The following SAMD4A variants were observed in gnomAD, a reference collection of about 807,000 sequenced individuals.
SAMD4A encodes sterile alpha motif domain containing 4A.
In SAMD4A, 33 loss-of-function variants were observed where a neutral mutation model predicts 81.3. The observed-to-expected ratio is 0.41, with a 90% confidence interval of 0.31 to 0.54. The LOEUF is 0.54. SAMD4A is among the 20% of genes least tolerant of loss of function. The pLI is 0.37. For synonymous variants in SAMD4A, 389 were observed against 382.1 expected (o/e 1.02, Z -0.21); for missense variants, 854 against 951.1 (o/e 0.90, Z 1.34).
intron 2 of SAMD4A, among the ~76,000 whole-genome samples, chr14:54,681,430 T>G (rs1458536422): frequency 6.6e-6 from 1 of 152,160 alleles, no homozygotes; most frequent in Non-Finnish European, 1.5e-5. Flanking sequence ...TATTTTACTT[T>G]ATTTATTTTT....
intron 9 of SAMD4A, among the ~76,000 whole-genome samples, chr14:54,773,062 C>A (rs139702363): frequency 6.6e-6 from 1 of 152,356 alleles, no homozygotes; most frequent in East Asian, 1.9e-4. Flanking sequence ...GTGTCCTCCT[C>A]ACCACATTCA....
intron 2 of SAMD4A, chr14:54,694,874 C>T: frequency 5.1e-6 from 5 of 985,522 alleles, no homozygotes; most frequent in Non-Finnish European, 6.0e-6. Flanking sequence ...GAAAAAGTAA[C>T]TACAGATGGA....
At position 54,702,621 on chromosome 14, in the gene SAMD4A, G is replaced by A. The variant is rs117091939; in HGVS notation, c.715+41G>A. The A allele has an allele frequency of 7.5e-4, 1,202 of 1,598,004 alleles. 16 individuals carry two copies. In the East Asian group the frequency reaches 0.021, roughly 28 times the overall value. On this transcript the variant is annotated intron_variant, in intron 3 of 12. Transcript: ENST00000554335. ...TCCCTTTAACGTAGTCTGGTTTGGC[G>A]ATTTGCTGTGTATGTGGCATGTCCT...
intron 2 of SAMD4A, among the ~76,000 whole-genome samples, chr14:54,696,635 G>A: frequency 6.6e-6 from 1 of 152,198 alleles, no homozygotes; most frequent in East Asian, 1.9e-4. Context: ...CCATTGTGTA[G>A]CAATAATACC....
chr14:54,681,921 A>G (rs2036137838), intron 2 of SAMD4A: 1 of 985,360 alleles, frequency 1.0e-6, no homozygotes, highest in African/African-American at 1.7e-5. Context: ...GACTGCCGCA[A>G]TATCCCACTT....
rs147082319 is a variant in SAMD4A at position 54,776,459 on chromosome 14, C to T, written c.1963C>T (p.Arg655Cys). 40 of 1,594,788 alleles carry T rather than the reference C, an allele frequency of 2.5e-5. No homozygotes were observed. Among genetic ancestry groups the T allele is most frequent in the East Asian group, 1.2e-4 (5 of 42,560 alleles). ...CGGGGGCAGCAATAGCATGCCAAGC[C>T]GCACCCACAGCTCAGTCCAGAGGAC... ...NPGGSNSMPS[R>C]THSSVQRTRS... The change falls in exon 11 of 13, where the codon CGC (arginine) becomes TGC (cysteine). Residue 655 changes from arginine (R) to cysteine (C), a missense_variant. By Grantham distance (180) the Arg-to-Cys change is radical. Around this residue, in one of 3 missense-constraint regions of SAMD4A, gnomAD observed 428 missense variants for 471.2 expected, o/e 0.91. Transcript: ENST00000554335.
chr14:54,628,517 T>C (rs1183515378), intron 2 of SAMD4A, among the ~76,000 whole-genome samples: 5 of 152,132 alleles, frequency 3.3e-5, no homozygotes, highest in Admixed American at 6.5e-5. Context: ...AAATAGGCCT[T>C]CAGTAGGTGC....
chr14:54,694,649 G>A, intron 2 of SAMD4A: 1 of 985,536 alleles, frequency 1.0e-6, no homozygotes, highest in South Asian at 4.7e-5. Flanking sequence ...AACCGAGGCA[G>A]GTGGCTGGGG....
rs149073659 is a variant in SAMD4A, at chr14:54,589,277, A to G, written c.196+21165A>G. On this transcript the variant is annotated intron_variant, in intron 2 of 12. Transcript: ENST00000554335. The stretch of plus-strand genomic sequence containing the variant: ...AATGACTGGAGATGAGGATGGAAAC[A>G]GTGACTGCCATGGGTTATTCAAAGA... Among the ~76,000 whole-genome samples, 234 of 152,302 alleles carry G rather than the reference A, an allele frequency of 1.5e-3. 5 individuals are homozygous for G. The South Asian group carries it at 0.029, about 19-fold the overall frequency.
intron 6 of SAMD4A, among the ~76,000 whole-genome samples, chr14:54,758,038 C>T (rs747599849): frequency 4.6e-5 from 7 of 152,188 alleles, no homozygotes; most frequent in Non-Finnish European, 1.0e-4. Flanking sequence ...ATCAGGATCA[C>T]GCCTGACTCC....
At chr14:54,783,628 G>C (rs749795249) in intron 11 of SAMD4A, among the ~76,000 whole-genome samples, 20 of 152,256 alleles carry the variant, frequency 1.3e-4, no homozygotes, top group Non-Finnish European at 2.6e-4. Context: ...ACAGTTACCT[G>C]CAGTTGCTGT....
At chr14:54,637,365 C>CAAA (rs1172084217) in intron 2 of SAMD4A, among the ~76,000 whole-genome samples, 2,486 of 63,330 alleles carry the variant, frequency 0.039, 246 homozygotes, top group East Asian at 0.078. Flanking sequence ...AACTCCATCT[C>CAAA]AAAAAAAAAA....
chr14:54,585,838 A>G (rs1387565511), intron 2 of SAMD4A, among the ~76,000 whole-genome samples: 1 of 152,172 alleles, frequency 6.6e-6, no homozygotes, highest in Non-Finnish European at 1.5e-5. Context: ...TCACTCATTG[A>G]TAGATGAGCA....
chr14:54,687,542 T>C, intron 2 of SAMD4A: 1 of 365,508 alleles, frequency 2.7e-6, no homozygotes, highest in Non-Finnish European at 5.4e-6. Flanking sequence ...AAATGGGGTA[T>C]GTTACTAAGC....
chr14:54,714,307 T>A (rs575380557), intron 3 of SAMD4A, among the ~76,000 whole-genome samples: 1 of 152,320 alleles, frequency 6.6e-6, no homozygotes, highest in South Asian at 2.1e-4. Flanking sequence ...CAATTTAGCT[T>A]ATAGTTTTCT....
intron 9 of SAMD4A, among the ~76,000 whole-genome samples, chr14:54,774,648 C>G (rs2139931947): frequency 1.2e-5 from 1 of 82,654 alleles, no homozygotes; most frequent in African/African-American, 3.6e-5. Context: ...GACTCCATCT[C>G]TACCAAAAAA....
chr14:54,767,849 A>G (rs1441191425), intron 8 of SAMD4A, among the ~76,000 whole-genome samples: 1 of 152,166 alleles, frequency 6.6e-6, no homozygotes, highest in African/African-American at 2.4e-5. Flanking sequence ...ACAACCGAGC[A>G]CCACATCCCC....
rs759374936 is a variant in SAMD4A at position 54,764,571 on chromosome 14, T to C, written c.1596+31T>C. 1.8e-5 allele frequency: 25 copies of C among 1,390,608 alleles called. 1 individual carries two copies. Among genetic ancestry groups the C allele is most frequent in the South Asian group, 3.7e-5 (3 of 81,276 alleles). 86.1% of individuals were successfully genotyped at this position (1,390,608 alleles called of 1,614,324 possible). On this transcript the variant is annotated intron_variant, in intron 8 of 12. Transcript: ENST00000554335. The stretch of plus-strand genomic sequence containing the variant: ...TAGTGACAGGTTTTACAAAACCATT[T>C]TTTTTTTATTGCTTAGAAATGGTTC...
rs781635435 is a variant in SAMD4A at position 54,737,115 on chromosome 14, A to G, written c.807A>G (p.Gly269=). The change falls in exon 4 of 13, where the codon GGA becomes GGG. Residue 269 remains glycine (G), a synonymous_variant. Transcript: ENST00000554335. ...TGCCAAACCAGCCTCTAGGACATGGATGGATGTCTCATGAGGACTTACGAG... is the reference window on the plus strand; with the variant it reads ...TGCCAAACCAGCCTCTAGGACATGGGTGGATGTCTCATGAGGACTTACGAG... ...MNVPNQPLGH[G]WMSHEDLRAR... 1 of 1,614,014 alleles carries G rather than the reference A, an allele frequency of 6.2e-7. No individual in the cohort carries two copies. The highest frequency in any genetic ancestry group is 8.5e-7 in the Non-Finnish European group (1 of 1,179,980).
Sources: gnomAD v4.1 joint callset for allele counts (sites outside exome capture counted in the v4.1 genomes callset) on GRCh38, gnomAD v4.1.1 for gene constraint, gnomAD v4.1.1 regional missense constraint, MANE v1.5 for transcripts, NCBI Gene and HGNC (gene_info 2026-07-23, HGNC 2026-07-21) for gene names.